CCAR1: variants seen among roughly 807,000 people sequenced by gnomAD.
CCAR1 encodes the protein cell division cycle and apoptosis regulator protein 1.
CCAR1 carries 78 observed loss-of-function variants against 163.8 expected under a neutral mutation model. That is an observed-to-expected ratio of 0.48 (90% confidence interval 0.40 to 0.57). The LOEUF is 0.57. CCAR1 is among the 20% of genes least tolerant of loss of function. CCAR1 has a pLI of 0.00. For synonymous variants in CCAR1, 443 were observed against 460.7 expected (o/e 0.96, Z 0.49); for missense variants, 1,019 against 1,365.2 (o/e 0.75, Z 4.00).
rs1233083557 is a variant in CCAR1, at chr10:68,786,168, GACA to G, written c.2685_2687del (p.Asp895_Lys896delinsGlu). The stretch of plus-strand genomic sequence containing the variant: ...TGAGGAAGAAATGACCAAACGAGAT[GACA>G]AAAGAGATATCAACAGATACTGCAA... On this transcript the variant is annotated inframe_deletion, in exon 20 of 25. Transcript: ENST00000265872. 1.9e-6 allele frequency: 3 copies of G among 1,612,646 alleles called. No homozygotes were observed. Among genetic ancestry groups the G allele is most frequent in the Non-Finnish European group, 1.7e-6 (2 of 1,179,094 alleles).
At chr10:68,757,398 T>A (rs1254746517) in intron 15 of CCAR1, 21 bp downstream of exon 15, 1 of 1,294,874 alleles carries the variant, frequency 7.7e-7, no homozygotes, top group African/African-American at 1.5e-5. Context: ...TAAGGATGGA[T>A]TTTATTTATT....
At chr10:68,767,217 GAAAAT>G (rs1050765404) in intron 17 of CCAR1, among the ~76,000 whole-genome samples, 4 of 152,128 alleles carry the variant, frequency 2.6e-5, no homozygotes, top group African/African-American at 9.7e-5. Context: ...AGTTGTAAGA[GAAAAT>G]AATTGTTTAA....
intron 24 of CCAR1, among the ~76,000 whole-genome samples, chr10:68,790,898 C>T (rs1396006470): frequency 6.6e-6 from 1 of 151,240 alleles, no homozygotes; most frequent in East Asian, 2.0e-4. Flanking sequence ...GGGGTTTCAC[C>T]ATCTTTCCCA....
chr10:68,747,282 A>C lies in CCAR1; in HGVS notation c.633+7A>C. On this transcript the variant is annotated splice_region_variant and intron_variant, in intron 7 of 24. Transcript: ENST00000265872. The stretch of plus-strand genomic sequence containing the variant: ...TCAAACACTACCAAATCAGGTACAG[A>C]AAGTATTGAGTTAGGTATTATAGAA... 6.3e-7 allele frequency: 1 copy of C among 1,590,196 alleles called. No homozygotes were observed. Among genetic ancestry groups the C allele is most frequent in the Non-Finnish European group, 8.6e-7 (1 of 1,162,564 alleles).
At position 68,756,627 on chromosome 10, in the gene CCAR1, A is replaced by C. The variant is rs74143219; in HGVS notation, c.1836+144A>C. 1 of 736,704 alleles carries C rather than the reference A, an allele frequency of 1.4e-6. No individual in the cohort carries two copies. Among genetic ancestry groups the C allele is most frequent in the African/African-American group, 1.7e-5 (1 of 57,782 alleles). 45.6% of individuals were successfully genotyped at this position (736,704 alleles called of 1,614,324 possible). On this transcript the variant is annotated intron_variant, in intron 14 of 24. Transcript: ENST00000265872. This position sits in a 1 kb window ranked among gnomAD's most constrained non-coding sequence, Gnocchi z 5.1. ...GACTGGTAATCCAGCTTTCAGCAGTATAGTTGTATGTTCTTTTCTCTTAAA... is the reference window on the plus strand; with the variant it reads ...GACTGGTAATCCAGCTTTCAGCAGTCTAGTTGTATGTTCTTTTCTCTTAAA...
chr10:68,783,819 G>A (rs1210670257), intron 19 of CCAR1, among the ~76,000 whole-genome samples: 4 of 151,498 alleles, frequency 2.6e-5, no homozygotes, highest in Admixed American at 1.3e-4. Flanking sequence ...GTGCAGTGGC[G>A]CGATCTCAGC....
intron 19 of CCAR1, among the ~76,000 whole-genome samples, chr10:68,781,404 G>A (rs535919554): frequency 1.1e-4 from 17 of 151,974 alleles, no homozygotes; most frequent in Admixed American, 6.6e-4. Context: ...TTAGCCGGGC[G>A]TGGTGGCGGG....
rs77520459 is a variant in CCAR1, at chr10:68,749,914, AT to A, written c.1118+231del. Among the ~76,000 whole-genome samples, 676 of 152,290 alleles carry A rather than the reference AT, an allele frequency of 4.4e-3. 7 individuals carry two copies. The highest frequency in any genetic ancestry group is 0.01 in the East Asian group (54 of 5,184). The stretch of plus-strand genomic sequence containing the variant: ...TTGAAAAAGGCAGCCCCTCAAGGAA[AT>A]TCCTCTGTCATAACGTTATTCCCCT... On this transcript the variant is annotated intron_variant, in intron 10 of 24. Coordinates refer to ENST00000265872, the MANE Select transcript of CCAR1 (RefSeq NM_018237.4).
chr10:68,769,990 C>G (rs989597937), intron 17 of CCAR1, among the ~76,000 whole-genome samples: 19 of 151,430 alleles, frequency 1.3e-4, no homozygotes, highest in Admixed American at 4.0e-4. Flanking sequence ...TATGCGTATG[C>G]TATAGCCCAT....
chr10:68,741,080 A>AT (rs1383588714), intron 5 of CCAR1, among the ~76,000 whole-genome samples: 1 of 151,286 alleles, frequency 6.6e-6, no homozygotes, highest in African/African-American at 2.4e-5. Context: ...CGCCTGGCTG[A>AT]TTTTTGTATT....
chr10:68,731,460 C>T (rs1188439672), intron 2 of CCAR1, among the ~76,000 whole-genome samples: 1 of 152,132 alleles, frequency 6.6e-6, no homozygotes, highest in East Asian at 1.9e-4. Context: ...ATCACATTCA[C>T]AGTGATTCCA....
chr10:68,746,607 G>A (rs2056259156), intron 6 of CCAR1, among the ~76,000 whole-genome samples: 1 of 151,876 alleles, frequency 6.6e-6, no homozygotes, highest in South Asian at 2.1e-4. Flanking sequence ...TTTTGTTTGA[G>A]ACCGAGTCTC....
chr10:68,768,428 C>G (rs531960254), intron 17 of CCAR1, among the ~76,000 whole-genome samples: 6 of 150,830 alleles, frequency 4.0e-5, no homozygotes, highest in Admixed American at 6.6e-5. Context: ...TGGCCAACAT[C>G]GTGAAACCCC....
chr10:68,740,346 C>G (rs2056166814), intron 4 of CCAR1, among the ~76,000 whole-genome samples: 1 of 152,066 alleles, frequency 6.6e-6, no homozygotes, highest in South Asian at 2.1e-4. Flanking sequence ...AACTTTATAC[C>G]TAGTTATCTC....
intron 17 of CCAR1, among the ~76,000 whole-genome samples, chr10:68,769,882 A>C (rs1318783241): frequency 1.3e-5 from 2 of 149,056 alleles, no homozygotes; most frequent in Non-Finnish European, 3.0e-5. Flanking sequence ...CGGAGCTTGC[A>C]GTGAGCCGAA....
At chr10:68,731,603 T>G (rs1171024852) in intron 2 of CCAR1, among the ~76,000 whole-genome samples, 3 of 146,534 alleles carry the variant, frequency 2.0e-5, no homozygotes, top group African/African-American at 7.6e-5. Flanking sequence ...TTTTTTTTTT[T>G]TTTTTTTTTT....
chr10:68,767,227 G>C (rs1216585288), intron 17 of CCAR1, among the ~76,000 whole-genome samples: 1 of 151,988 alleles, frequency 6.6e-6, no homozygotes, highest in African/African-American at 2.4e-5. Flanking sequence ...GAAAATAATT[G>C]TTTAACTTTT....
intron 2 of CCAR1, among the ~76,000 whole-genome samples, chr10:68,726,067 T>C (rs2055939979): frequency 6.8e-6 from 1 of 147,326 alleles, no homozygotes; most frequent in Admixed American, 6.9e-5. Context: ...TGAGCTGTGA[T>C]AGTTCCGCCA....
At chr10:68,752,367 G>C (rs1391174842) in intron 10 of CCAR1, among the ~76,000 whole-genome samples, 2 of 151,924 alleles carry the variant, frequency 1.3e-5, no homozygotes, top group African/African-American at 4.8e-5. Context: ...AAGAAACTTC[G>C]TGCCCATGAA....
Sources: gnomAD v4.1 joint callset for allele counts (sites outside exome capture counted in the v4.1 genomes callset) on GRCh38, gnomAD v4.1.1 for gene constraint, Gnocchi (gnomAD v3.1) non-coding constraint, MANE v1.5 for transcripts, NCBI Gene and HGNC (gene_info 2026-07-23, HGNC 2026-07-21) for gene names.